NLGN1: variants seen among roughly 807,000 people sequenced by gnomAD.
The protein encoded by NLGN1 is neuroligin 1.
Under a neutral mutation model 65.5 loss-of-function variants are expected in NLGN1, and 12 were observed. The ratio of observed to expected loss-of-function variants is 0.18; its 90% CI spans 0.12 to 0.30. The LOEUF (loss-of-function observed/expected upper bound fraction) is 0.30, where lower values mean the gene tolerates loss of function less well. Ranked by LOEUF, NLGN1 falls within the 10% of genes least tolerant of loss-of-function variation. NLGN1 has a pLI of 1.00. For synonymous variants in NLGN1, 350 were observed against 359.5 expected (o/e 0.97, Z 0.30); for missense variants, 750 against 1,007.1 (o/e 0.74, Z 3.46).
At chr3:173,731,085 A>T (rs1306579732) in intron 3 of NLGN1, among the ~76,000 whole-genome samples, 1 of 152,028 alleles carries the variant, frequency 6.6e-6, no homozygotes, top group Non-Finnish European at 1.5e-5. Context: ...TTTCATTCCG[A>T]TATCATTCAC....
At chr3:174,129,617 C>CT (rs1719748462) in intron 4 of NLGN1, among the ~76,000 whole-genome samples, 1 of 152,090 alleles carries the variant, frequency 6.6e-6, no homozygotes, top group African/African-American at 2.4e-5. Flanking sequence ...ACTGGTTAGA[C>CT]TTTAGCTATG....
chr3:173,469,012 G>A (rs1004789449), intron 2 of NLGN1, among the ~76,000 whole-genome samples: 1 of 152,002 alleles, frequency 6.6e-6, no homozygotes, highest in Non-Finnish European at 1.5e-5. Flanking sequence ...TGAAAAACAA[G>A]TTTTGTAATA....
At chr3:173,790,227 G>A (rs1712379263) in intron 3 of NLGN1, among the ~76,000 whole-genome samples, 1 of 151,826 alleles carries the variant, frequency 6.6e-6, no homozygotes, top group African/African-American at 2.4e-5. Context: ...TCCCAGTGAA[G>A]CACTCCTCTT....
chr3:173,800,724 A>G (rs1245719815), intron 3 of NLGN1, among the ~76,000 whole-genome samples: 1 of 151,680 alleles, frequency 6.6e-6, no homozygotes, highest in African/African-American at 2.4e-5. Context: ...TTTCTAATCT[A>G]TGTAAATATT....
intron 4 of NLGN1, among the ~76,000 whole-genome samples, chr3:174,222,188 G>A (rs1022055405): frequency 1.3e-5 from 2 of 151,952 alleles, no homozygotes; most frequent in African/African-American, 4.8e-5. Context: ...GAGTTATTGC[G>A]TGTATATACT....
At chr3:173,544,037 A>G (rs779023879) in intron 2 of NLGN1, among the ~76,000 whole-genome samples, 1 of 152,118 alleles carries the variant, frequency 6.6e-6, no homozygotes, top group African/African-American at 2.4e-5. Flanking sequence ...GAAAACTCCT[A>G]TGGAAAATTC....
chr3:173,831,713 T>C (rs1253856183), intron 4 of NLGN1, among the ~76,000 whole-genome samples: 1 of 152,184 alleles, frequency 6.6e-6, no homozygotes, highest in Non-Finnish European at 1.5e-5. Flanking sequence ...TCTGGCCCAA[T>C]TTATATCAGT....
chr3:174,237,466 T>C (rs967393602), intron 4 of NLGN1, among the ~76,000 whole-genome samples: 6 of 152,218 alleles, frequency 3.9e-5, no homozygotes, highest in Admixed American at 2.6e-4. Context: ...CACCTTCAAG[T>C]AATATTTGCA....
intron 4 of NLGN1, among the ~76,000 whole-genome samples, chr3:174,036,295 T>C (rs1187278893): frequency 6.6e-6 from 1 of 152,164 alleles, no homozygotes; most frequent in African/African-American, 2.4e-5. Context: ...GATTATGTGA[T>C]TTAGCAAGTT....
At chr3:173,604,618 C>T (rs764610359) in exon 3 of NLGN1, 26 of 1,613,320 alleles carry the variant, frequency 1.6e-5, no homozygotes, top group South Asian at 4.4e-5. Flanking sequence ...CCCAGATGCA[C>T]GTGGCCAAAT....
chr3:173,873,036 C>A (rs551483891), intron 4 of NLGN1, among the ~76,000 whole-genome samples: 1 of 151,812 alleles, frequency 6.6e-6, no homozygotes, highest in Non-Finnish European at 1.5e-5. Context: ...TTGGGGCTGG[C>A]ACGTGAAGGA....
intron 3 of NLGN1, among the ~76,000 whole-genome samples, chr3:173,693,668 T>C (rs1412535457): frequency 6.6e-6 from 1 of 151,982 alleles, no homozygotes; most frequent in Non-Finnish European, 1.5e-5. Flanking sequence ...TACAGCAGAC[T>C]AACAAATAGA....
At chr3:173,749,862 A>G (rs1029262414) in intron 3 of NLGN1, among the ~76,000 whole-genome samples, 2 of 152,080 alleles carry the variant, frequency 1.3e-5, no homozygotes, top group Admixed American at 1.3e-4. Context: ...CAGGGTGACT[A>G]TATTACATTC....
At chr3:173,745,697 T>G (rs1775260904) in intron 3 of NLGN1, among the ~76,000 whole-genome samples, 1 of 152,032 alleles carries the variant, frequency 6.6e-6, no homozygotes, top group African/African-American at 2.4e-5. Context: ...TAGGGAAATC[T>G]CCAAGCATCA....
intron 4 of NLGN1, among the ~76,000 whole-genome samples, chr3:173,975,070 G>A (rs766110205): frequency 6.6e-6 from 1 of 152,002 alleles, no homozygotes; most frequent in Non-Finnish European, 1.5e-5. Flanking sequence ...TGTTTCTAGG[G>A]CTGGGGTCTG....
At chr3:173,672,806 A>AT (rs111285076) in intron 3 of NLGN1, among the ~76,000 whole-genome samples, 1 of 152,124 alleles carries the variant, frequency 6.6e-6, no homozygotes, top group Admixed American at 6.6e-5. Context: ...TTTCAACTAT[A>AT]TTTTTTTCCC....
chr3:174,278,021 C>T (rs1434303520), intron 5 of NLGN1, among the ~76,000 whole-genome samples: 1 of 151,908 alleles, frequency 6.6e-6, no homozygotes, highest in Non-Finnish European at 1.5e-5. Context: ...ATTTGAATGA[C>T]ATGCAGCACT....
At chr3:173,934,808 C>T (rs1396319694) in intron 4 of NLGN1, among the ~76,000 whole-genome samples, 1 of 151,976 alleles carries the variant, frequency 6.6e-6, no homozygotes, top group Non-Finnish European at 1.5e-5. Flanking sequence ...CTTTGTCACT[C>T]ACATGTCACT....
At position 174,138,433 on chromosome 3, in the gene NLGN1, C is replaced by CTTT. The variant is rs58713208; in HGVS notation, c.647-136867_647-136865dup. On this transcript the variant is annotated intron_variant, in intron 4 of 6. Transcript: ENST00000457714. ...TTCACTAGTACTGCTTTCTACTATT[C>CTTT]TTTTTTTTTTTTTTTTTGTGAGACA... Among the ~76,000 whole-genome samples the CTTT allele has an allele frequency of 5.0e-3, 669 of 132,524 alleles. 16 individuals carry two copies. Among genetic ancestry groups the CTTT allele is most frequent in the African/African-American group, 0.015 (539 of 35,066 alleles). 86.9% of individuals were successfully genotyped at this position (132,524 alleles called of 152,430 possible).
Sources: gnomAD v4.1 joint callset for allele counts (sites outside exome capture counted in the v4.1 genomes callset) on GRCh38, gnomAD v4.1.1 for gene constraint, MANE v1.5 for transcripts, NCBI Gene and HGNC (gene_info 2026-07-23, HGNC 2026-07-21) for gene names.